FGF14: variants seen among roughly 807,000 people sequenced by gnomAD.
FGF14 encodes fibroblast growth factor homologous factor 4.
In FGF14, 5 loss-of-function variants were observed where a neutral mutation model predicts 25.5. That is an observed-to-expected ratio of 0.20 (90% confidence interval 0.10 to 0.41). The LOEUF (loss-of-function observed/expected upper bound fraction) is 0.41. Ranked by LOEUF, FGF14 falls within the 10% of genes least tolerant of loss-of-function variation. FGF14 has a pLI of 1.00. For synonymous variants in FGF14, 138 were observed against 118.3 expected, an observed-to-expected ratio of 1.17 and a Z score of -1.08; for missense variants, 222 against 320.1, an observed-to-expected ratio of 0.69 and a Z score of 2.34.
chr13:102,213,232 T>C (rs1056408263), intron 1 of FGF14, among the ~76,000 whole-genome samples: 1 of 152,214 alleles, frequency 6.6e-6, no homozygotes, highest in African/African-American at 2.4e-5. Flanking sequence ...AGAATAAATA[T>C]TAACAGAGCT....
intron 1 of FGF14, among the ~76,000 whole-genome samples, chr13:102,316,950 CCTCATGATA>C (rs145396214): frequency 2.2e-3 from 331 of 152,254 alleles, no homozygotes; most frequent in African/African-American, 7.7e-3. Flanking sequence ...AGTAAATTCA[CCTCATGATA>C]CTCATGATAC....
At position 102,225,262 on chromosome 13, in the gene FGF14, A is replaced by C. The variant is rs115663125; in HGVS notation, c.208+176209T>G. Among the ~76,000 whole-genome samples the C allele has an allele frequency of 8.9e-3, 1,360 of 151,970 alleles. 24 individuals are homozygous for C. Among genetic ancestry groups the C allele is most frequent in the African/African-American group, 0.03 (1,240 of 41,434 alleles). ...GCCCATGGACAAGGCCTTGAACCCC[A>C]AAAAAATCTTTCTTCAACCCTGACT... On this transcript the variant is annotated intron_variant, in intron 1 of 4. Coordinates refer to the FGF14 transcript ENST00000376131.
chr13:102,359,842 C>A (rs2057516802), intron 1 of FGF14, among the ~76,000 whole-genome samples: 2 of 144,742 alleles, frequency 1.4e-5, no homozygotes, highest in African/African-American at 2.6e-5. Context: ...AAACCAAAAT[C>A]AACTTTATGT....
rs1012840428 is a variant in FGF14, at chr13:102,117,467, A to G, written c.209-242171T>C. On this transcript the variant is annotated intron_variant, in intron 1 of 4. Coordinates refer to the FGF14 transcript ENST00000376131. ...CCAGGAAGCCTCAACTCGGCTTCGT[A>G]GAGGAATCACTTGGAGAGCTTTGAA... 2.0e-5 allele frequency among the ~76,000 whole-genome samples: 3 copies of G among 152,208 alleles called. 1 individual carries two copies. In the East Asian group the frequency reaches 5.8e-4, roughly 29 times the overall value.
chr13:102,347,763 T>C (rs2138952195), intron 1 of FGF14, among the ~76,000 whole-genome samples: 1 of 152,186 alleles, frequency 6.6e-6, no homozygotes, highest in East Asian at 1.9e-4. Flanking sequence ...CACTAGGTGA[T>C]GCTAGAGAGG....
intron 2 of FGF14, 45 bp downstream of exon 2, chr13:101,875,141 A>G (rs1224060978): frequency 7.9e-7 from 1 of 1,263,116 alleles, no homozygotes; most frequent in Non-Finnish European, 1.2e-6. Flanking sequence ...GTAGCAGTGT[A>G]TCTTCTACCA....
At chr13:102,161,232 GAGAA>G (rs1403989840) in intron 1 of FGF14, among the ~76,000 whole-genome samples, 1 of 151,784 alleles carries the variant, frequency 6.6e-6, no homozygotes, top group African/African-American at 2.4e-5. Context: ...ATAAATTAAG[GAGAA>G]AGAAAGAGAG....
At chr13:101,915,969 C>G (rs1323143378) in intron 1 of FGF14, among the ~76,000 whole-genome samples, 1 of 152,202 alleles carries the variant, frequency 6.6e-6, no homozygotes, top group Non-Finnish European at 1.5e-5. Context: ...GCCAGGATAT[C>G]CACATTTGTC....
intron 3 of FGF14, among the ~76,000 whole-genome samples, chr13:101,763,396 A>G (rs925194521): frequency 6.6e-6 from 1 of 152,224 alleles, no homozygotes; most frequent in Non-Finnish European, 1.5e-5. Context: ...TGGAATGAAC[A>G]GTATTTTAAG....
intron 1 of FGF14, among the ~76,000 whole-genome samples, chr13:102,202,472 C>A (rs1298855997): frequency 6.6e-6 from 1 of 152,132 alleles, no homozygotes. Flanking sequence ...ATGGCCAGGG[C>A]AGAAGGAGGA....
rs1206623736 is a variant in FGF14 at position 101,712,031 on chromosome 13, A to T, written c.*10800T>A. On this transcript the variant is annotated 3_prime_UTR_variant, in exon 5 of 5. Coordinates refer to ENST00000376143, the MANE Select transcript of FGF14 (RefSeq NM_004115.4). ...GGAACCCTCTCCCTGTGTGCTTCCCATTTAAGAGAGGCACAATTTGACCCA... is the reference window on the plus strand; with the variant it reads ...GGAACCCTCTCCCTGTGTGCTTCCCTTTTAAGAGAGGCACAATTTGACCCA... The T allele has an allele frequency of 6.6e-5, 10 of 152,194 alleles. No individual in the cohort carries two copies. The allele number at this position is 152,194 out of a possible 1,614,324, so 9.4% of individuals were successfully genotyped here. A position where few individuals can be genotyped will look rare whatever the true frequency, so the allele number is the denominator to read the frequency against.
At chr13:102,050,217 C>T (rs61966526) in intron 1 of FGF14, among the ~76,000 whole-genome samples, 4,908 of 152,272 alleles carry the variant, frequency 0.032, 114 homozygotes, top group African/African-American at 0.057. Flanking sequence ...ATGTACTTAT[C>T]CTTCCATCTG....
chr13:101,759,166 G>A (rs773898103), intron 3 of FGF14, among the ~76,000 whole-genome samples: 3 of 152,152 alleles, frequency 2.0e-5, no homozygotes, highest in African/African-American at 7.2e-5. Flanking sequence ...AGACAGGTGA[G>A]AGGTAAGAGC....
intron 1 of FGF14, among the ~76,000 whole-genome samples, chr13:102,159,148 AAAAAAAAAAG>A (rs1489896973): frequency 2.7e-5 from 4 of 150,846 alleles, no homozygotes; most frequent in South Asian, 2.1e-4. Flanking sequence ...TCAAAAAAAA[AAAAAAAAAAG>A]AAAAGAAAAG....
chr13:101,947,688 G>C (rs1011385424), intron 1 of FGF14, among the ~76,000 whole-genome samples: 12 of 152,134 alleles, frequency 7.9e-5, no homozygotes, highest in South Asian at 2.1e-4. Context: ...ACTACTAGAG[G>C]GGGTAGGGAG....
At chr13:101,863,243 T>C (rs1419598502) in intron 3 of FGF14, among the ~76,000 whole-genome samples, 3 of 152,144 alleles carry the variant, frequency 2.0e-5, no homozygotes, top group African/African-American at 7.2e-5. Flanking sequence ...ATTTCCATTC[T>C]TAAAGGGGCA....
chr13:102,101,954 C>T (rs1303844022), intron 1 of FGF14, among the ~76,000 whole-genome samples: 2 of 152,140 alleles, frequency 1.3e-5, no homozygotes, highest in Non-Finnish European at 2.9e-5. Context: ...CCACCTGTCT[C>T]GGCCTCCCAA....
At chr13:101,949,766 T>G (rs908914699) in intron 1 of FGF14, among the ~76,000 whole-genome samples, 2 of 152,194 alleles carry the variant, frequency 1.3e-5, no homozygotes, top group Non-Finnish European at 2.9e-5. Context: ...TCCATTTTTG[T>G]TGAGAGAACC....
At chr13:101,919,456 A>G (rs1412317067), upstream of FGF14, among the ~76,000 whole-genome samples, 2 of 151,870 alleles carry the variant, frequency 1.3e-5, no homozygotes, top group Non-Finnish European at 2.9e-5. Context: ...GAAAAGAGTG[A>G]CATTAAGCTT....
Sources: gnomAD v4.1 joint callset for allele counts (sites outside exome capture counted in the v4.1 genomes callset) on GRCh38, gnomAD v4.1.1 for gene constraint, MANE v1.5 for transcripts, NCBI Gene and HGNC (gene_info 2026-07-23, HGNC 2026-07-21) for gene names.